ROCK2: variants seen among roughly 807,000 people sequenced by gnomAD.
ROCK2 encodes rho-associated protein kinase 2.
In ROCK2, 61 loss-of-function variants were observed where a neutral mutation model predicts 195.1. That is an observed-to-expected ratio of 0.31 (90% CI 0.25 to 0.39). The LOEUF is 0.39. Ranked by LOEUF, ROCK2 falls within the 10% of genes least tolerant of loss-of-function variation. The probability of loss-of-function intolerance (pLI) is 1.00; values close to 1 mark genes in which losing one functional copy is unlikely to be tolerated. For missense variants in ROCK2, 1,109 were observed against 1,637.4 expected, an observed-to-expected ratio of 0.68 and a Z score of 5.57; for synonymous variants, 504 against 545.5, an observed-to-expected ratio of 0.92 and a Z score of 1.06.
intron 3 of ROCK2, among the ~76,000 whole-genome samples, chr2:11,253,726 A>G (rs927819569): frequency 1.3e-5 from 2 of 152,280 alleles, no homozygotes; most frequent in South Asian, 2.1e-4. Context: ...CTCAATTAAT[A>G]TCTGCAAAAA....
Position 11,236,968 on chromosome 2 carries a change from T to C in ROCK2, c.463-1006A>G, listed in dbSNP as rs182678789. Among the ~76,000 whole-genome samples the C allele has an allele frequency of 9.1e-3, 1,380 of 152,166 alleles. 6 individuals carry two copies. The highest frequency in any genetic ancestry group is 0.014 in the Non-Finnish European group (977 of 67,986). The stretch of plus-strand genomic sequence containing the variant: ...GAGTTCGAGACCAGCCTGGCCAACA[T>C]GGTGAAACCCCGTCTCTACTAAAAC... On this transcript the variant is annotated intron_variant, in intron 4 of 32. Coordinates refer to ENST00000315872, the MANE Select transcript of ROCK2 (RefSeq NM_004850.5).
intron 5 of ROCK2, among the ~76,000 whole-genome samples, chr2:11,229,616 G>C (rs1162688632): frequency 7.1e-6 from 1 of 141,256 alleles, no homozygotes; most frequent in Non-Finnish European, 1.5e-5. Context: ...AACTCTAAAT[G>C]CAACACAAAA....
rs776412825 is a variant in ROCK2 at position 11,215,369 on chromosome 2, A to G, written c.1641T>C (p.Asn547=). 6.2e-7 allele frequency: 1 copy of G among 1,607,784 alleles called. No individual in the cohort carries two copies. Among genetic ancestry groups the G allele is most frequent in the South Asian group, 1.1e-5 (1 of 89,640 alleles). Residue 547 remains asparagine (N), a synonymous_variant, in exon 15 of 33, where the codon AAT becomes AAC. Transcript: ENST00000315872. The part of the protein sequence containing the change: ...KDQLEDLKKR[N]QNSQISTEKV... ...TCTCAGTGGATATTTGAGAGTTTTG[A>G]TTTCTTTTTTTCAAATCTTCAAGTT...
chr2:11,217,824 G>T (rs576565573), intron 11 of ROCK2: 2 of 153,088 alleles, frequency 1.3e-5, no homozygotes, highest in African/African-American at 4.8e-5. Context: ...TTAACTTTTT[G>T]AGCTCCTGTG....
rs1558298263 is a variant in ROCK2 at position 11,215,373 on chromosome 2, C to T, written c.1637G>A (p.Arg546Lys). 1.7e-5 allele frequency: 28 copies of T among 1,607,518 alleles called. No homozygotes were observed. Among genetic ancestry groups the T allele is most frequent in the Admixed American group, 1.4e-4 (8 of 58,960 alleles). Residue 546 changes from arginine to lysine, a missense_variant, in exon 15 of 33, where the codon AGA becomes AAA. Physicochemically the swap from Arg to Lys is conservative, Grantham distance 26 (BLOSUM62 2). This residue lies in a region of ROCK2 where 542 missense variants were observed against 672.0 expected (regional missense o/e 0.81). Transcript: ENST00000315872. ...AGTGGATATTTGAGAGTTTTGATTT[C>T]TTTTTTTCAAATCTTCAAGTTGATC... is the stretch of plus-strand genomic sequence containing the variant. ...LKDQLEDLKKRNQNSQISTEK... is the reference protein window; with the variant it reads ...LKDQLEDLKKKNQNSQISTEK...
Position 11,217,103 on chromosome 2 carries a change from C to T in ROCK2, c.1399G>A (p.Glu467Lys). The T allele has an allele frequency of 6.6e-7, 1 of 1,523,132 alleles. No homozygotes were observed. The highest frequency in any genetic ancestry group is 9.1e-7 in the Non-Finnish European group (1 of 1,098,132). 94.4% of individuals were successfully genotyped at this position (1,523,132 alleles called of 1,614,324 possible). Residue 467 changes from glutamate to lysine, a missense_variant, in exon 12 of 33, where the codon GAA becomes AAA. Physicochemically the swap from Glu to Lys is moderately conservative, Grantham distance 56. This residue lies in a region of ROCK2 where 542 missense variants were observed against 672.0 expected (regional missense o/e 0.81). Transcript: ENST00000315872. Reference protein sequence around the residue: ...SNEMQAKEELEQKCKSVNTRL... With the variant: ...SNEMQAKEELKQKCKSVNTRL... The stretch of plus-strand genomic sequence containing the variant: ...TACAAAACATACTTGCACTTCTGTT[C>T]CAGTTCCTCTTTGGCTTGCATCTCA...
At chr2:11,187,303 C>T (rs933791736) in intron 32 of ROCK2, among the ~76,000 whole-genome samples, 2 of 152,188 alleles carry the variant, frequency 1.3e-5, no homozygotes, top group Admixed American at 6.5e-5. Context: ...TTGTAAACAG[C>T]GTGATGACAT....
At chr2:11,286,466 C>T (rs1291675418) in intron 3 of ROCK2, 73 bp downstream of exon 3, 1 of 952,742 alleles carries the variant, frequency 1.0e-6, no homozygotes, top group African/African-American at 1.6e-5. Flanking sequence ...ATTAGATCTA[C>T]TCAGCTGCTA....
At chr2:11,256,296 G>A (rs895547032) in intron 3 of ROCK2, among the ~76,000 whole-genome samples, 3 of 151,212 alleles carry the variant, frequency 2.0e-5, no homozygotes, top group African/African-American at 7.4e-5. Context: ...CTTCCCCCTT[G>A]TTGTTCTCCT....
intron 1 of ROCK2, 75 bp downstream of exon 1, chr2:11,343,921 G>A: frequency 1.3e-6 from 2 of 1,498,212 alleles, no homozygotes; most frequent in South Asian, 1.3e-5. Context: ...GGGCGGACGG[G>A]CACGGAGGGC....
At chr2:11,211,973 A>T in intron 17 of ROCK2, 133 bp from the exon 18 acceptor site, 1 of 600,794 alleles carries the variant, frequency 1.7e-6, no homozygotes, top group Non-Finnish European at 2.6e-6. Flanking sequence ...TGGTTTGATT[A>T]TGGCTCATTG....
At chr2:11,323,728 A>AC (rs1468085636) in intron 1 of ROCK2, among the ~76,000 whole-genome samples, 1 of 152,192 alleles carries the variant, frequency 6.6e-6, no homozygotes, top group Non-Finnish European at 1.5e-5. Flanking sequence ...ACTGAAAGGT[A>AC]CAGAGATGTC....
intron 1 of ROCK2, among the ~76,000 whole-genome samples, chr2:11,325,760 T>C (rs560907633): frequency 6.6e-6 from 1 of 151,850 alleles, no homozygotes; most frequent in East Asian, 1.9e-4. Context: ...GAGTAGAAAA[T>C]GGATAAAAGA....
At chr2:11,230,062 T>C (rs1295630559) in intron 5 of ROCK2, among the ~76,000 whole-genome samples, 1 of 152,172 alleles carries the variant, frequency 6.6e-6, no homozygotes, top group Non-Finnish European at 1.5e-5. Context: ...CATGTGTGCA[T>C]GTGGTTTATG....
At chr2:11,279,746 T>G (rs937531497) in intron 3 of ROCK2, among the ~76,000 whole-genome samples, 1 of 152,174 alleles carries the variant, frequency 6.6e-6, no homozygotes, top group African/African-American at 2.4e-5. Context: ...TCTCAAACTC[T>G]CATGGAACGT....
At chr2:11,191,239 G>A (rs1663410958) in intron 32 of ROCK2, among the ~76,000 whole-genome samples, 1 of 152,162 alleles carries the variant, frequency 6.6e-6, no homozygotes, top group Admixed American at 6.5e-5. Context: ...GTTTATAAAT[G>A]CTGAAGTAGT....
chr2:11,247,937 G>A (rs765684769), intron 4 of ROCK2, among the ~76,000 whole-genome samples: 1 of 151,742 alleles, frequency 6.6e-6, no homozygotes, highest in Non-Finnish European at 1.5e-5. Flanking sequence ...CAGGAGAATC[G>A]CTTGAATCCA....
chr2:11,252,342 C>G (rs887789706), intron 3 of ROCK2, among the ~76,000 whole-genome samples: 1 of 151,104 alleles, frequency 6.6e-6, no homozygotes, highest in Non-Finnish European at 1.5e-5. Context: ...ACCCGGGTGG[C>G]TGAGGCTGCA....
intron 3 of ROCK2, among the ~76,000 whole-genome samples, chr2:11,269,277 T>C (rs1166910314): frequency 6.6e-6 from 1 of 152,136 alleles, no homozygotes; most frequent in African/African-American, 2.4e-5. Flanking sequence ...TTTGGGAGGC[T>C]GAGGCAGGCG....
Sources: gnomAD v4.1 joint callset for allele counts (sites outside exome capture counted in the v4.1 genomes callset) on GRCh38, gnomAD v4.1.1 for gene constraint, gnomAD v4.1.1 regional missense constraint, MANE v1.5 for transcripts, NCBI Gene and HGNC (gene_info 2026-07-23, HGNC 2026-07-21) for gene names.